The following SYN2 variants were observed in gnomAD, a reference collection of about 807,000 sequenced individuals.
The protein encoded by SYN2 is synapsin II.
In SYN2, 19 loss-of-function variants were observed where a neutral mutation model predicts 50.9. That is an observed-to-expected ratio of 0.37 (90% CI 0.26 to 0.55). SYN2 has a LOEUF of 0.55. Ranked by LOEUF, SYN2 falls within the 20% of genes least tolerant of loss-of-function variation. The pLI is 0.81. For synonymous variants in SYN2, 255 were observed against 224.9 expected, an observed-to-expected ratio of 1.13 and a Z score of -1.20; for missense variants, 587 against 576.4, an observed-to-expected ratio of 1.02 and a Z score of -0.19.
chr3:12,029,221 G>C (rs1694329093), intron 1 of SYN2, among the ~76,000 whole-genome samples: 1 of 131,546 alleles, frequency 7.6e-6, no homozygotes. Context: ...GCTCTGTTCT[G>C]TTCCATTCAT....
intron 10 of SYN2, among the ~76,000 whole-genome samples, chr3:12,181,871 C>G (rs1032801227): frequency 6.6e-6 from 1 of 152,046 alleles, no homozygotes; most frequent in African/African-American, 2.4e-5. Flanking sequence ...AGCTGGCTTC[C>G]CGGGTATGGG....
intron 1 of SYN2, among the ~76,000 whole-genome samples, chr3:12,077,833 C>G (rs1263585994): frequency 6.6e-6 from 1 of 152,126 alleles, no homozygotes; most frequent in Non-Finnish European, 1.5e-5. Context: ...TGGGTATATA[C>G]CCAGTAATGG....
chr3:12,087,917 TA>T (rs79920668), intron 1 of SYN2, among the ~76,000 whole-genome samples: 12,507 of 146,446 alleles, frequency 0.085, 906 homozygotes, highest in East Asian at 0.2. Flanking sequence ...TCACATCATA[TA>T]AAAAAAAAAC....
At chr3:12,132,062 G>C (rs1178927869) in intron 1 of SYN2, among the ~76,000 whole-genome samples, 1 of 131,026 alleles carries the variant, frequency 7.6e-6, no homozygotes, top group Non-Finnish European at 1.6e-5. Flanking sequence ...TTTTGAGACA[G>C]GGTTTCACCA....
chr3:12,157,634 G>A, intron 5 of SYN2: 1 of 686,124 alleles, frequency 1.5e-6, no homozygotes, highest in South Asian at 1.8e-5. Context: ...TGAGAAGGGG[G>A]ACCTGGAAAC....
intron 1 of SYN2, among the ~76,000 whole-genome samples, chr3:12,013,778 A>C (rs1027115393): frequency 6.6e-6 from 1 of 152,168 alleles, no homozygotes; most frequent in African/African-American, 2.4e-5. Flanking sequence ...AGCTTCTTAC[A>C]TCCTATAGGT....
intron 2 of SYN2, among the ~76,000 whole-genome samples, chr3:12,140,933 G>T (rs142925363): frequency 6.6e-6 from 1 of 152,106 alleles, no homozygotes; most frequent in East Asian, 1.9e-4. Context: ...TATGGCTCTA[G>T]TGTCTGTAGA....
intron 7 of SYN2, among the ~76,000 whole-genome samples, chr3:12,164,087 CA>C (rs1324102144): frequency 1.3e-5 from 2 of 152,040 alleles, no homozygotes; most frequent in African/African-American, 4.8e-5. Context: ...GAAATATGCA[CA>C]ATCTAAGACA....
chr3:12,100,098 T>G (rs1157436435), intron 1 of SYN2, among the ~76,000 whole-genome samples: 3 of 152,092 alleles, frequency 2.0e-5, no homozygotes, highest in Non-Finnish European at 2.9e-5. Flanking sequence ...ATGGATTACA[T>G]TGAACCTGTG....
At position 12,183,626 on chromosome 3, in the gene SYN2, C is replaced by G. The variant is rs1403327791; in HGVS notation, c.1369+254C>G. ...GGTTGTTTACCTGTTCCTGTTCGTG[C>G]TTGTAATGCTCACTTATGTTTTCTC... On this transcript the variant is annotated intron_variant, in intron 11 of 12. Transcript: ENST00000621198. 4.2e-6 allele frequency: 6 copies of G among 1,435,198 alleles called. No homozygotes were observed. In the East Asian group the frequency reaches 1.6e-4, roughly 37 times the overall value. 88.9% of individuals were successfully genotyped at this position (1,435,198 alleles called of 1,614,324 possible). A position where few individuals can be genotyped will look rare whatever the true frequency, so the allele number is the denominator to read the frequency against.
intron 1 of SYN2, among the ~76,000 whole-genome samples, chr3:12,110,252 A>G (rs1301724391): frequency 1.3e-5 from 2 of 152,300 alleles, no homozygotes; most frequent in Admixed American, 6.5e-5. Flanking sequence ...CTTTGACTCC[A>G]TGTCTCACAT....
At chr3:12,013,208 A>G (rs531348293) in intron 1 of SYN2, among the ~76,000 whole-genome samples, 2 of 152,300 alleles carry the variant, frequency 1.3e-5, no homozygotes, top group African/African-American at 2.4e-5. Flanking sequence ...GCCCCAAGTG[A>G]TCCTCCTGCC....
At chr3:12,161,664 G>T in intron 6 of SYN2, 56 bp downstream of exon 6, 2 of 1,592,534 alleles carry the variant, frequency 1.3e-6, no homozygotes, top group South Asian at 1.1e-5. Flanking sequence ...GCAGTTTTCA[G>T]AGCGCCCATT....
chr3:12,151,251 C>A lies in SYN2; in HGVS notation c.699C>A (p.Val233=). Residue 233 remains valine, a synonymous_variant, in exon 5 of 13, where the codon GTC becomes GTA. Coordinates refer to ENST00000621198, the MANE Select transcript of SYN2 (RefSeq NM_133625.6). Reference sequence around the variant, plus strand: ...TTCTTTTGCAGTTTGCCCAGCTGGTCGCTATCTATAAGACACTGGGAGGAG... The same window carrying A: ...TTCTTTTGCAGTTTGCCCAGCTGGTAGCTATCTATAAGACACTGGGAGGAG... The part of the protein sequence containing the change: ...CDKPWVFAQL[V]AIYKTLGGEK... 1 of 1,612,494 alleles carries A rather than the reference C, an allele frequency of 6.2e-7. No homozygotes were observed. Among genetic ancestry groups the A allele is most frequent in the South Asian group, 1.1e-5 (1 of 90,374 alleles).
At chr3:12,015,163 C>T (rs551359019) in intron 1 of SYN2, among the ~76,000 whole-genome samples, 1 of 152,148 alleles carries the variant, frequency 6.6e-6, no homozygotes, top group Non-Finnish European at 1.5e-5. Context: ...GTGTCTTTAC[C>T]TGGATAATCT....
chr3:12,182,965 C>A (rs1245573681), intron 10 of SYN2, among the ~76,000 whole-genome samples: 6 of 152,242 alleles, frequency 3.9e-5, no homozygotes, highest in Non-Finnish European at 7.3e-5. Flanking sequence ...TGGACTTGGA[C>A]AGGCATCAGA....
intron 4 of SYN2, 143 bp downstream of exon 4, chr3:12,145,978 G>A (rs1051214479): frequency 3.4e-6 from 4 of 1,186,698 alleles, no homozygotes; most frequent in Non-Finnish European, 4.7e-6. Flanking sequence ...GGGTCCTCAA[G>A]ATGCAGTTGG....
At chr3:12,041,345 A>G (rs1210397790) in intron 1 of SYN2, among the ~76,000 whole-genome samples, 7 of 152,172 alleles carry the variant, frequency 4.6e-5, no homozygotes, top group Admixed American at 3.3e-4. Flanking sequence ...CAGAGATTGT[A>G]TAACTCCCCC....
At chr3:12,064,531 A>G (rs1007477332) in intron 1 of SYN2, among the ~76,000 whole-genome samples, 1 of 152,132 alleles carries the variant, frequency 6.6e-6, no homozygotes, top group South Asian at 2.1e-4. Flanking sequence ...TTATAATTCA[A>G]CAATAAAGAG....
Sources: allele counts gnomAD v4.1 joint callset (sites outside exome capture counted in the v4.1 genomes callset), GRCh38; gene constraint gnomAD v4.1.1; transcripts MANE v1.5; gene names NCBI Gene and HGNC (gene_info 2026-07-23, HGNC 2026-07-21).